The following LARP4B variants were observed in gnomAD, a reference collection of about 807,000 sequenced individuals.
LARP4B encodes the protein La ribonucleoprotein 4B.
A neutral mutation model predicts 89.8 loss-of-function variants in LARP4B; 12 were observed. That is an observed-to-expected ratio of 0.13 (90% CI 0.09 to 0.22). The LOEUF (loss-of-function observed/expected upper bound fraction) is 0.22, where lower values mean the gene tolerates loss of function less well. Among genes scored for constraint, LARP4B ranks in the 10% least tolerant of loss-of-function variants. The probability of loss-of-function intolerance (pLI) is 1.00; values close to 1 mark genes in which losing one functional copy is unlikely to be tolerated. For missense variants in LARP4B, 757 were observed against 947.7 expected, an observed-to-expected ratio of 0.80 and a Z score of 2.64; for synonymous variants, 367 against 363.3, an observed-to-expected ratio of 1.01 and a Z score of -0.12.
At chr10:942,527 CTTTCCAA>C in the LARP4B span, 1 of 152,196 alleles carries the variant, frequency 6.6e-6, no homozygotes, top group Non-Finnish European at 1.5e-5. Flanking sequence ...AGTCGGTTCT[CTTTCCAA>C]TGGAACAGCC....
intron 7 of LARP4B, among the ~76,000 whole-genome samples, chr10:840,238 A>G (rs1284678657): frequency 3.3e-5 from 5 of 152,160 alleles, no homozygotes; most frequent in African/African-American, 1.2e-4. Context: ...AATTTATGGT[A>G]TGTAAATTCT....
intron 8 of LARP4B, among the ~76,000 whole-genome samples, chr10:834,525 T>C (rs1002389497): frequency 5.9e-5 from 9 of 152,232 alleles, no homozygotes; most frequent in African/African-American, 2.2e-4. Flanking sequence ...AGAAGGGCTC[T>C]ATAATAATTA....
At chr10:872,596 A>G (rs1338533027) in intron 3 of LARP4B, among the ~76,000 whole-genome samples, 1 of 152,186 alleles carries the variant, frequency 6.6e-6, no homozygotes, top group Non-Finnish European at 1.5e-5. Flanking sequence ...TGCTGAGGTG[A>G]ACGCTGACCA....
At chr10:967,742 T>C in the LARP4B span, among the ~76,000 whole-genome samples, 473 of 152,280 alleles carry the variant, frequency 3.1e-3, 4 homozygotes, top group African/African-American at 0.01. Flanking sequence ...ACCATCTTCA[T>C]TAAGCTTCCT....
Position 814,169 on chromosome 10 carries a change from C to T in LARP4B, c.1929+573G>A, listed in dbSNP as rs1166148448. On this transcript the variant is annotated intron_variant, in intron 17 of 17. Transcript: ENST00000316157. This position sits in a 1 kb window ranked among gnomAD's most constrained non-coding sequence, Gnocchi z 4.4. ...AACCTATAAAAAATCCTTTTTTAGA[C>T]TCAGCCCAGGGGACAGTAAGGGATT... Among the ~76,000 whole-genome samples the T allele has an allele frequency of 6.6e-6, 1 of 151,860 alleles. No individual in the cohort carries two copies. The highest frequency in any genetic ancestry group is 1.5e-5 in the Non-Finnish European group (1 of 67,986).
intron 1 of LARP4B, among the ~76,000 whole-genome samples, chr10:891,620 G>T (rs1037912726): frequency 6.6e-6 from 1 of 152,074 alleles, no homozygotes; most frequent in African/African-American, 2.4e-5. Flanking sequence ...ATACTATTCT[G>T]TCTACCTTTG....
chr10:964,027 C>G, the LARP4B span, among the ~76,000 whole-genome samples: 1 of 152,122 alleles, frequency 6.6e-6, no homozygotes, highest in East Asian at 1.9e-4. Context: ...GTAGATGCCC[C>G]CATTTATAAA....
intron 1 of LARP4B, among the ~76,000 whole-genome samples, chr10:915,145 G>C (rs574880742): frequency 1.3e-5 from 2 of 152,208 alleles, no homozygotes; most frequent in South Asian, 4.2e-4. Flanking sequence ...ATTGAGATTT[G>C]ATGGACAGTT....
chr10:851,601 T>A (rs1302477575), intron 5 of LARP4B, among the ~76,000 whole-genome samples: 1 of 152,172 alleles, frequency 6.6e-6, no homozygotes, highest in Admixed American at 6.5e-5. Flanking sequence ...TGACTACAGA[T>A]TTCACAGGTG....
In LARP4B at chr10:833,887, C is replaced by CAA. The variant is rs34834355; in HGVS notation, c.750+2514_750+2515dup. Among the ~76,000 whole-genome samples the CAA allele has an allele frequency of 2.1e-3, 155 of 75,066 alleles. 1 individual carries two copies. Among genetic ancestry groups the CAA allele is most frequent in the African/African-American group, 7.8e-3 (151 of 19,468 alleles). 49.2% of individuals were successfully genotyped at this position (75,066 alleles called of 152,430 possible). The stretch of plus-strand genomic sequence containing the variant: ...CTGGCAACAGAGCAAGATGCCACCT[C>CAA]AAAAAAAAAAAAAAAAAAGACAGAA... On this transcript the variant is annotated intron_variant, in intron 8 of 17. Transcript: ENST00000316157.
rs571042910 is a variant in LARP4B at position 812,314 on chromosome 10, T to G, written c.*612A>C. On this transcript the variant is annotated 3_prime_UTR_variant, in exon 18 of 18. Coordinates refer to ENST00000316157, the MANE Select transcript of LARP4B (RefSeq NM_015155.3). ...GAACCAAGGTTTCTGGGGTGGCCCC[T>G]GCAGGTTCACTCCGCCCAGGAGATC... The G allele has an allele frequency of 2.6e-5, 4 of 152,782 alleles. No homozygotes were observed. 9.5% of individuals were successfully genotyped at this position (152,782 alleles called of 1,614,324 possible).
the LARP4B span, among the ~76,000 whole-genome samples, chr10:945,025 AAAT>A: frequency 6.6e-6 from 1 of 152,240 alleles, no homozygotes; most frequent in African/African-American, 2.4e-5. Flanking sequence ...GTATTACAAA[AAAT>A]ATAAGCATAG....
chr10:920,116 A>C (rs888987506), intron 1 of LARP4B, among the ~76,000 whole-genome samples: 1 of 152,254 alleles, frequency 6.6e-6, no homozygotes, highest in South Asian at 2.1e-4. Flanking sequence ...TGCTTTCACC[A>C]ATTTCTTTTG....
At chr10:825,529 C>T (rs1832573363) in intron 12 of LARP4B, among the ~76,000 whole-genome samples, 1 of 152,216 alleles carries the variant, frequency 6.6e-6, no homozygotes, top group Admixed American at 6.5e-5. Context: ...CAGTCCAGGC[C>T]CAAATTAAAA....
chr10:947,789 T>C, the LARP4B span, among the ~76,000 whole-genome samples: 20,131 of 152,048 alleles, frequency 0.13, 1,758 homozygotes, highest in Non-Finnish European at 0.2. Context: ...GCCCGGCTCA[T>C]GTTTTTGTAT....
At chr10:934,221 G>A (rs1246997115), upstream of LARP4B, among the ~76,000 whole-genome samples, 2 of 152,038 alleles carry the variant, frequency 1.3e-5, no homozygotes, top group African/African-American at 4.8e-5. Context: ...AATGGGATGG[G>A]TTCAGTGGCT....
the LARP4B span, among the ~76,000 whole-genome samples, chr10:958,407 T>C: frequency 6.6e-6 from 1 of 152,336 alleles, no homozygotes; most frequent in Middle Eastern, 3.4e-3. Context: ...CCTCTCCTGA[T>C]GTTCTTCTCC....
intron 1 of LARP4B, among the ~76,000 whole-genome samples, chr10:923,499 C>T (rs375846911): frequency 1.3e-5 from 2 of 149,648 alleles, no homozygotes; most frequent in African/African-American, 4.9e-5. Context: ...CTTTATGGAC[C>T]CAGTAAAAAA....
intron 1 of LARP4B, among the ~76,000 whole-genome samples, chr10:907,141 A>G (rs1836515311): frequency 6.6e-6 from 1 of 152,206 alleles, no homozygotes; most frequent in Non-Finnish European, 1.5e-5. Flanking sequence ...TCCTCACTCC[A>G]ACACAAAAGT....
Sources: allele counts gnomAD v4.1 joint callset (sites outside exome capture counted in the v4.1 genomes callset), GRCh38; gene constraint gnomAD v4.1.1; non-coding constraint Gnocchi (gnomAD v3.1); transcripts MANE v1.5; gene names NCBI Gene and HGNC (gene_info 2026-07-23, HGNC 2026-07-21).